The following PCYT1A variants were observed in gnomAD, a reference collection of about 807,000 sequenced individuals.
PCYT1A encodes phosphate cytidylyltransferase 1A, choline.
Under a neutral mutation model 43.7 loss-of-function variants are expected in PCYT1A, and 25 were observed. The ratio of observed to expected loss-of-function variants is 0.57; its 90% confidence interval spans 0.42 to 0.80. The LOEUF is 0.80. Ranked by LOEUF, PCYT1A falls within the 30% of genes least tolerant of loss-of-function variation. The pLI, the probability that PCYT1A is intolerant of heterozygous loss-of-function variation, is 0.00. For missense variants in PCYT1A, 421 were observed against 474.2 expected (o/e 0.89, Z 1.04); for synonymous variants, 172 against 170.7 (o/e 1.01, Z -0.06).
intron 1 of PCYT1A, among the ~76,000 whole-genome samples, chr3:196,284,657 C>T (rs1157393151): frequency 6.6e-6 from 1 of 152,162 alleles, no homozygotes; most frequent in African/African-American, 2.4e-5. Context: ...AAATAAAACC[C>T]CACTGCTTAT....
rs1724222360 is a variant in PCYT1A at position 196,238,052 on chromosome 3, C to T, written c.*636G>A. 1 of 152,238 alleles carries T rather than the reference C, an allele frequency of 6.6e-6. No individual in the cohort carries two copies. Among genetic ancestry groups the T allele is most frequent in the East Asian group, 1.9e-4 (1 of 5,198 alleles). 9.4% of individuals were successfully genotyped at this position (152,238 alleles called of 1,614,324 possible). On this transcript the variant is annotated 3_prime_UTR_variant, in exon 9 of 9. Transcript: ENST00000431016. ...CCCCATTGGGTCCAACAAGAAACTC[C>T]TCAGGGAGTAAGAAAAGTTAGGTTC...
In PCYT1A at chr3:196,257,685, A is replaced by G. The variant is rs1250661692; in HGVS notation, c.217+103T>C. 5.7e-6 allele frequency: 4 copies of G among 707,040 alleles called. No individual in the cohort carries two copies. The East Asian group carries it at 1.0e-4, about 18-fold the overall frequency. The allele number at this position is 707,040 out of a possible 1,614,324, so 43.8% of individuals were successfully genotyped here. A position where few individuals can be genotyped will look rare whatever the true frequency, so the allele number is the denominator to read the frequency against. On this transcript the variant is annotated intron_variant, in intron 3 of 8. Transcript: ENST00000431016. Reference sequence around the variant, plus strand: ...AACCCCTTCGCTGCTGGCCTTTGCAAGTAAACAGAGGGCAGTATATAGAGA... The same window carrying G: ...AACCCCTTCGCTGCTGGCCTTTGCAGGTAAACAGAGGGCAGTATATAGAGA...
chr3:196,279,147 G>C (rs1049814784), intron 1 of PCYT1A, among the ~76,000 whole-genome samples: 2 of 151,914 alleles, frequency 1.3e-5, no homozygotes, highest in Non-Finnish European at 2.9e-5. Context: ...AATAAGCTGG[G>C]CGTGGTGGCA....
intron 1 of PCYT1A, among the ~76,000 whole-genome samples, chr3:196,274,190 A>C (rs1195977467): frequency 6.6e-6 from 1 of 152,250 alleles, no homozygotes; most frequent in African/African-American, 2.4e-5. Context: ...GGGAGCAGGC[A>C]CTTCAAGCCT....
intron 1 of PCYT1A, among the ~76,000 whole-genome samples, chr3:196,283,285 C>T (rs1423162689): frequency 6.6e-6 from 1 of 152,084 alleles, no homozygotes; most frequent in East Asian, 1.9e-4. Context: ...GATTGCACCA[C>T]TGCATTCTAG....
intron 3 of PCYT1A, among the ~76,000 whole-genome samples, chr3:196,253,322 G>A (rs1275342740): frequency 8.6e-6 from 1 of 116,236 alleles, no homozygotes; most frequent in African/African-American, 3.3e-5. Flanking sequence ...GCGAGACAGA[G>A]CAAGACTCTG....
At chr3:196,266,063 A>T (rs555573991) in intron 2 of PCYT1A, among the ~76,000 whole-genome samples, 84 of 148,858 alleles carry the variant, frequency 5.6e-4, no homozygotes, top group Admixed American at 2.6e-3. Context: ...AAAAAAAAAT[A>T]AATAAACTAA....
chr3:196,252,605 A>G lies in PCYT1A; in HGVS notation c.218-4282T>C, dbSNP rs1284800679. ...ATTTTAAATTAAATATACCAATCCA[A>G]TGAAAAACTAAGAATTAATTAATGG... On this transcript the variant is annotated intron_variant, in intron 3 of 8. Transcript: ENST00000431016. This position sits in a 1 kb window ranked among gnomAD's most constrained non-coding sequence, Gnocchi z 4.0. 2.0e-5 allele frequency among the ~76,000 whole-genome samples: 3 copies of G among 152,226 alleles called. No individual in the cohort carries two copies. The highest frequency in any genetic ancestry group is 4.4e-5 in the Non-Finnish European group (3 of 68,044).
chr3:196,280,938 T>A (rs1725752955), intron 1 of PCYT1A, among the ~76,000 whole-genome samples: 1 of 152,186 alleles, frequency 6.6e-6, no homozygotes, highest in Non-Finnish European at 1.5e-5. Context: ...CAATTACATA[T>A]GCTATTCCAC....
chr3:196,243,589 A>C (rs993953175), intron 5 of PCYT1A, among the ~76,000 whole-genome samples: 20 of 151,814 alleles, frequency 1.3e-4, no homozygotes, highest in African/African-American at 4.6e-4. Context: ...GCCGAGCGGA[A>C]GCTGGACTGT....
rs61737911 is a variant in PCYT1A, at chr3:196,238,796, G to A, written c.996C>T (p.Pro332=). Reference sequence around the variant, plus strand: ...TGCCGGAGAAGGGCCATCGGAAAGAGGGGGAGGGGGAGCGCTCGCGAGTAG... The same window carrying A: ...TGCCGGAGAAGGGCCATCGGAAAGAAGGGGAGGGGGAGCGCTCGCGAGTAG... The part of the protein sequence containing the change: ...SSPTRERSPS[P]SFRWPFSGKT... Residue 332 remains proline, a synonymous_variant, in exon 9 of 9, where the codon CCC becomes CCT. Transcript: ENST00000431016. 1.3e-6 allele frequency: 2 copies of A among 1,584,196 alleles called. No individual in the cohort carries two copies. Among genetic ancestry groups the A allele is most frequent in the Non-Finnish European group, 1.7e-6 (2 of 1,166,156 alleles).
intron 3 of PCYT1A, among the ~76,000 whole-genome samples, chr3:196,248,804 T>C (rs1724655598): frequency 6.6e-6 from 1 of 152,024 alleles, no homozygotes; most frequent in African/African-American, 2.4e-5. Flanking sequence ...TCACCCAGAC[T>C]GGAGTGCAGT....
rs1724124433 is a variant in PCYT1A, at chr3:196,235,061, T to TA, written c.*3626dup. ...CTAGAAGCTATGGCTTTTAGGGAAT[T>TA]AAAGAAAAGCAGCAAAATATAATTG... On this transcript the variant is annotated 3_prime_UTR_variant, in exon 9 of 9. Transcript: ENST00000431016. The surrounding 1 kb of genome is among the most constrained non-coding windows in gnomAD (Gnocchi z 4.3). 2 of 152,266 alleles carry TA rather than the reference T, an allele frequency of 1.3e-5. No homozygotes were observed. Among genetic ancestry groups the TA allele is most frequent in the Admixed American group, 1.3e-4 (2 of 15,290 alleles). 9.4% of individuals were successfully genotyped at this position (152,266 alleles called of 1,614,324 possible). A position where few individuals can be genotyped will look rare whatever the true frequency, so the allele number is the denominator to read the frequency against.
At chr3:196,241,222 A>G (rs1309081262) in intron 7 of PCYT1A, among the ~76,000 whole-genome samples, 1 of 150,924 alleles carries the variant, frequency 6.6e-6, no homozygotes, top group Non-Finnish European at 1.5e-5. Context: ...CTAAGGCACC[A>G]GGAGACAGAG....
intron 2 of PCYT1A, among the ~76,000 whole-genome samples, chr3:196,260,100 T>C (rs1244088954): frequency 6.6e-6 from 1 of 151,486 alleles, no homozygotes; most frequent in African/African-American, 2.4e-5. Flanking sequence ...TTTTTGGATT[T>C]TTAGTAGAGA....
At chr3:196,245,152 T>A (rs893840405) in intron 5 of PCYT1A, among the ~76,000 whole-genome samples, 4 of 151,754 alleles carry the variant, frequency 2.6e-5, no homozygotes, top group African/African-American at 7.3e-5. Flanking sequence ...ACTTTTTTTT[T>A]TTTTTTTGAG....
chr3:196,243,792 TCCC>T (rs1724448079), intron 5 of PCYT1A, among the ~76,000 whole-genome samples: 1 of 152,256 alleles, frequency 6.6e-6, no homozygotes, highest in Non-Finnish European at 1.5e-5. Flanking sequence ...AGCCTCGGCC[TCCC>T]GAGGTGCCGG....
Position 196,238,460 on chromosome 3 carries a change from G to A in PCYT1A, c.*228C>T. On this transcript the variant is annotated 3_prime_UTR_variant, in exon 9 of 9. Transcript: ENST00000431016. ...CAAAGCCCTTGGGGGGGGGTAAATG[G>A]ATGCAGAGCAGGCTTCTAAGGTGCA... 8.1e-6 allele frequency: 3 copies of A among 371,408 alleles called. No homozygotes were observed. The highest frequency in any genetic ancestry group is 1.4e-5 in the Non-Finnish European group (3 of 207,476). 23.0% of individuals were successfully genotyped at this position (371,408 alleles called of 1,614,324 possible).
At chr3:196,258,932 T>C (rs1019077494) in intron 2 of PCYT1A, among the ~76,000 whole-genome samples, 4 of 152,252 alleles carry the variant, frequency 2.6e-5, no homozygotes, top group Non-Finnish European at 4.4e-5. Context: ...GTGATGTTTA[T>C]GTCTGGCTTT....
Sources: allele counts gnomAD v4.1 joint callset (sites outside exome capture counted in the v4.1 genomes callset), GRCh38; gene constraint gnomAD v4.1.1; non-coding constraint Gnocchi (gnomAD v3.1); transcripts MANE v1.5; gene names NCBI Gene and HGNC (gene_info 2026-07-23, HGNC 2026-07-21).